TENM3: variants seen among roughly 807,000 people sequenced by gnomAD.
TENM3 encodes teneurin transmembrane protein 3.
TENM3 carries 63 observed loss-of-function variants against 255.1 expected under a neutral mutation model. The ratio of observed to expected loss-of-function variants is 0.25; its 90% CI spans 0.20 to 0.30. The LOEUF (loss-of-function observed/expected upper bound fraction) is 0.30, where lower values mean the gene tolerates loss of function less well. Ranked by LOEUF, TENM3 falls within the 10% of genes least tolerant of loss-of-function variation. The pLI, the probability that TENM3 is intolerant of heterozygous loss-of-function variation, is 1.00. For missense variants in TENM3, 2,929 were observed against 3,461.1 expected (o/e 0.85, Z 3.86); for synonymous variants, 1,306 against 1,322.3 (o/e 0.99, Z 0.27).
intron 11 of TENM3, among the ~76,000 whole-genome samples, chr4:182,686,539 G>A (rs1036073123): frequency 6.6e-6 from 1 of 152,074 alleles, no homozygotes; most frequent in African/African-American, 2.4e-5. Flanking sequence ...TTCAATAAGA[G>A]AATAGACTTT....
the TENM3 span, among the ~76,000 whole-genome samples, chr4:181,868,617 T>C: frequency 6.6e-6 from 1 of 152,182 alleles, no homozygotes; most frequent in Non-Finnish European, 1.5e-5. Context: ...ATTCATCACG[T>C]CAAATGTTTA....
the TENM3 span, among the ~76,000 whole-genome samples, chr4:182,048,366 T>A: frequency 6.6e-6 from 1 of 152,208 alleles, no homozygotes; most frequent in Non-Finnish European, 1.5e-5. Context: ...TTTTCTCGTT[T>A]TCCTAAGAAT....
chr4:182,348,772 C>A (rs925798168), intron 3 of TENM3, among the ~76,000 whole-genome samples: 1 of 151,892 alleles, frequency 6.6e-6, no homozygotes, highest in Non-Finnish European at 1.5e-5. Context: ...TGGTGGATCC[C>A]CAAACATATG....
At chr4:181,605,380 G>A in the TENM3 span, among the ~76,000 whole-genome samples, 1 of 150,020 alleles carries the variant, frequency 6.7e-6, no homozygotes, top group Admixed American at 6.6e-5. Flanking sequence ...GAAGGCGGAG[G>A]TTGCAGTGAG....
chr4:182,539,899 C>T lies in TENM3; in HGVS notation c.512-61025C>T, dbSNP rs1580871729. On this transcript the variant is annotated intron_variant, in intron 3 of 27. Transcript: ENST00000511685. ...CACCCACGTGGAGATGTCAGATAGA[C>T]TGCTGGAGAAGCTGACTGTAGAGTG... is the stretch of plus-strand genomic sequence containing the variant. Among the ~76,000 whole-genome samples, 4 of 152,330 alleles carry T rather than the reference C, an allele frequency of 2.6e-5. No individual in the cohort carries two copies. In the South Asian group the frequency reaches 8.3e-4, roughly 32 times the overall value.
At chr4:182,494,042 G>A (rs1735537056) in intron 3 of TENM3, among the ~76,000 whole-genome samples, 1 of 152,016 alleles carries the variant, frequency 6.6e-6, no homozygotes, top group African/African-American at 2.4e-5. Flanking sequence ...TTTATAACTA[G>A]TTGTATTATT....
At chr4:182,368,247 G>A (rs767463551) in intron 3 of TENM3, among the ~76,000 whole-genome samples, 9 of 152,198 alleles carry the variant, frequency 5.9e-5, no homozygotes, top group Non-Finnish European at 8.8e-5. Flanking sequence ...GAGCATCAGA[G>A]GCAGGATGGT....
In TENM3 at chr4:182,752,081, A is replaced by AT. The variant is rs776843416; in HGVS notation, c.3862+49_3862+50insT. The AT allele has an allele frequency of 6.8e-6, 8 of 1,168,082 alleles. No homozygotes were observed. The African/African-American group carries it at 1.3e-4, about 18-fold the overall frequency. The allele number at this position is 1,168,082 out of a possible 1,614,324, so 72.4% of individuals were successfully genotyped here. A position where few individuals can be genotyped will look rare whatever the true frequency, so the allele number is the denominator to read the frequency against. ...GATTTCTTTTTATTTATTAAAAAAA[A>AT]AAAAAAAGGGGTTGAAAATCCATTT... On this transcript the variant is annotated intron_variant, in intron 20 of 27. Coordinates refer to ENST00000511685, the MANE Select transcript of TENM3 (RefSeq NM_001080477.4).
At chr4:182,141,001 C>T (rs1749373942), upstream of TENM3, among the ~76,000 whole-genome samples, 1 of 151,094 alleles carries the variant, frequency 6.6e-6, no homozygotes, top group South Asian at 2.1e-4. Context: ...CCCCCCCGCC[C>T]CCCAGCCCTT....
chr4:181,904,156 A>C, the TENM3 span, among the ~76,000 whole-genome samples: 1 of 152,076 alleles, frequency 6.6e-6, no homozygotes, highest in African/African-American at 2.4e-5. Context: ...CTGCAGCCCC[A>C]GAGCATCCCC....
intron 1 of TENM3, among the ~76,000 whole-genome samples, chr4:182,321,105 A>G (rs183305709): frequency 6.6e-6 from 1 of 152,286 alleles, no homozygotes; most frequent in Admixed American, 6.5e-5. Context: ...TTTAATGATC[A>G]TTTAGTTTTC....
intron 1 of TENM3, among the ~76,000 whole-genome samples, chr4:182,190,765 C>T (rs75281822): frequency 0.011 from 1,671 of 152,086 alleles, 113 homozygotes; most frequent in Admixed American, 0.097. Context: ...GCATAATTCA[C>T]GTTTTGCCCA....
chr4:182,438,163 T>C (rs1772186200), intron 3 of TENM3, among the ~76,000 whole-genome samples: 1 of 152,196 alleles, frequency 6.6e-6, no homozygotes, highest in Non-Finnish European at 1.5e-5. Flanking sequence ...TTTCCTGATT[T>C]CTAGAGAATT....
At chr4:182,074,377 A>G in the TENM3 span, among the ~76,000 whole-genome samples, 1 of 152,164 alleles carries the variant, frequency 6.6e-6, no homozygotes, top group East Asian at 1.9e-4. Context: ...TATAGCATCT[A>G]CCTGCCTTTG....
chr4:181,503,497 C>T, the TENM3 span, among the ~76,000 whole-genome samples: 3 of 152,178 alleles, frequency 2.0e-5, no homozygotes, highest in Non-Finnish European at 4.4e-5. Context: ...TAACCTCAGA[C>T]AGTGATCTGC....
chr4:182,014,340 C>T, the TENM3 span, among the ~76,000 whole-genome samples: 1 of 151,830 alleles, frequency 6.6e-6, no homozygotes, highest in East Asian at 1.9e-4. Flanking sequence ...CATTCCTCTA[C>T]CTATGGTGAC....
the TENM3 span, among the ~76,000 whole-genome samples, chr4:181,800,898 AGGCAAGAT>A: frequency 6.6e-6 from 1 of 152,192 alleles, no homozygotes. Flanking sequence ...TGAATGTCAA[AGGCAAGAT>A]GGCATTTCCA....
At chr4:182,338,268 C>A (rs1359223373) in intron 2 of TENM3, among the ~76,000 whole-genome samples, 2 of 152,162 alleles carry the variant, frequency 1.3e-5, no homozygotes, top group Non-Finnish European at 2.9e-5. Flanking sequence ...TAACCACAAT[C>A]TTTCAAAAAC....
At position 182,539,608 on chromosome 4, in the gene TENM3, A is replaced by G. The variant is rs181184601; in HGVS notation, c.512-61316A>G. ...TGTGTAAACCAGGTTTGTGATCATCAACAAACCATAAGGATCATTCGAACG... is the reference window on the plus strand; with the variant it reads ...TGTGTAAACCAGGTTTGTGATCATCGACAAACCATAAGGATCATTCGAACG... On this transcript the variant is annotated intron_variant, in intron 3 of 27. Transcript: ENST00000511685. 9.5e-4 allele frequency among the ~76,000 whole-genome samples: 144 copies of G among 152,354 alleles called. 1 individual carries two copies. Among genetic ancestry groups the G allele is most frequent in the Non-Finnish European group, 2.2e-4 (15 of 68,026 alleles).
Sources: allele counts gnomAD v4.1 joint callset (sites outside exome capture counted in the v4.1 genomes callset), GRCh38; gene constraint gnomAD v4.1.1; transcripts MANE v1.5; gene names NCBI Gene and HGNC (gene_info 2026-07-23, HGNC 2026-07-21).